The following ASCC2 variants were observed in gnomAD, a reference collection of about 807,000 sequenced individuals.
ASCC2 encodes the protein activating signal cointegrator 1 complex subunit 2.
In ASCC2, 42 loss-of-function variants were observed where a neutral mutation model predicts 93.5. The observed-to-expected ratio is 0.45, with a 90% confidence interval of 0.35 to 0.58. The LOEUF (loss-of-function observed/expected upper bound fraction) is 0.58. Among genes scored for constraint, ASCC2 ranks in the 20% least tolerant of loss-of-function variants. The pLI is 0.00. For missense variants in ASCC2, 859 were observed against 977.6 expected (o/e 0.88, Z 1.62); for synonymous variants, 364 against 384.2 (o/e 0.95, Z 0.62).
intron 1 of ASCC2, among the ~76,000 whole-genome samples, chr22:29,837,947 C>T (rs1273477232): frequency 6.6e-6 from 1 of 152,212 alleles, no homozygotes; most frequent in Non-Finnish European, 1.5e-5. Flanking sequence ...GGTGTGAGGA[C>T]GTGGGGGGAT....
intron 6 of ASCC2, among the ~76,000 whole-genome samples, chr22:29,815,729 T>C (rs922836228): frequency 6.6e-6 from 1 of 152,230 alleles, no homozygotes; most frequent in African/African-American, 2.4e-5. Context: ...CTTAGAGGCA[T>C]ATGGCTGTTG....
Position 29,790,977 on chromosome 22 carries a change from G to C in ASCC2, c.2023-429C>G, listed in dbSNP as rs76836929. On this transcript the variant is annotated intron_variant, in intron 18 of 19. Coordinates refer to ENST00000307790, the MANE Select transcript of ASCC2 (RefSeq NM_032204.5). ...CTCACTGTGGCACCACTAGCAGCATGTGTGGGAGTGCCCACTCTCAAGGAC... is the reference window on the plus strand; with the variant it reads ...CTCACTGTGGCACCACTAGCAGCATCTGTGGGAGTGCCCACTCTCAAGGAC... Among the ~76,000 whole-genome samples, 1,273 of 152,312 alleles carry C rather than the reference G, an allele frequency of 8.4e-3. 8 individuals carry two copies. The highest frequency in any genetic ancestry group is 0.013 in the Non-Finnish European group (918 of 68,020).
chr22:29,807,853 G>A (rs2079338), intron 9 of ASCC2, among the ~76,000 whole-genome samples: 46,548 of 151,682 alleles, frequency 0.31, 8,370 homozygotes, highest in East Asian at 0.59. Context: ...AGGCTGCAGT[G>A]AGCTGTGACT....
At chr22:29,826,661 A>ATCTTTTCTT (rs2062376426) in intron 2 of ASCC2, among the ~76,000 whole-genome samples, 1 of 152,142 alleles carries the variant, frequency 6.6e-6, no homozygotes, top group African/African-American at 2.4e-5. Context: ...TGACACAAGC[A>ATCTTTTCTT]TCTTTTCTTT....
In ASCC2 at chr22:29,817,776, T is replaced by C. The variant is rs1025170785; in HGVS notation, c.542-1703A>G. Among the ~76,000 whole-genome samples the C allele has an allele frequency of 1.1e-4, 17 of 152,186 alleles. 1 individual carries two copies. Among genetic ancestry groups the C allele is most frequent in the Non-Finnish European group, 1.8e-4 (12 of 68,036 alleles). Reference sequence around the variant, plus strand: ...CACCTTCATCTGATTCTAATGACAGTGACGATGTAACTTTTGATCTCCTAA... The same window carrying C: ...CACCTTCATCTGATTCTAATGACAGCGACGATGTAACTTTTGATCTCCTAA... On this transcript the variant is annotated intron_variant, in intron 5 of 19. Transcript: ENST00000307790.
chr22:29,811,365 A>AG (rs1189206917), intron 8 of ASCC2, among the ~76,000 whole-genome samples: 5 of 152,242 alleles, frequency 3.3e-5, no homozygotes. Flanking sequence ...GAAAGTAGAA[A>AG]GGGGGACTTT....
intron 15 of ASCC2, among the ~76,000 whole-genome samples, chr22:29,794,449 G>A (rs373144590): frequency 2.0e-5 from 3 of 151,828 alleles, no homozygotes; most frequent in African/African-American, 4.8e-5. Context: ...CCGAGATCAC[G>A]CCACTGCACT....
chr22:29,797,064 G>A (rs1287088333), intron 15 of ASCC2, among the ~76,000 whole-genome samples: 2 of 152,174 alleles, frequency 1.3e-5, no homozygotes, highest in African/African-American at 4.8e-5. Flanking sequence ...GCTTGTCCAG[G>A]GAGATGCAAC....
intron 13 of ASCC2, among the ~76,000 whole-genome samples, chr22:29,804,083 T>C (rs2059401438): frequency 6.6e-6 from 1 of 152,254 alleles, no homozygotes; most frequent in African/African-American, 2.4e-5. Flanking sequence ...CTGTGTGGTC[T>C]TCATCTCTCT....
intron 1 of ASCC2, 149 bp downstream of exon 1, chr22:29,838,029 G>T (rs545310069): frequency 2.3e-4 from 86 of 378,024 alleles, no homozygotes; most frequent in South Asian, 1.6e-3. Context: ...GCCAAGTCTC[G>T]AGAGGCGGCT....
chr22:29,791,428 C>G (rs372890866), intron 18 of ASCC2, among the ~76,000 whole-genome samples: 1 of 152,076 alleles, frequency 6.6e-6, no homozygotes, highest in African/African-American at 2.4e-5. Flanking sequence ...GCCTGTAATC[C>G]CAGCACTTTG....
chr22:29,835,990 C>G (rs2063729305), intron 1 of ASCC2, among the ~76,000 whole-genome samples: 1 of 152,072 alleles, frequency 6.6e-6, no homozygotes, highest in African/African-American at 2.4e-5. Context: ...AACAAAGGCT[C>G]AGAGTCTTAA....
intron 8 of ASCC2, 127 bp downstream of exon 8, chr22:29,813,303 T>A (rs2060487272): frequency 2.9e-6 from 2 of 692,190 alleles, no homozygotes; most frequent in South Asian, 3.6e-5. Context: ...CACTGCTGCA[T>A]CCCCAGGCTG....
At chr22:29,810,395 T>C (rs1956534371) in intron 8 of ASCC2, 1 of 152,228 alleles carries the variant, frequency 6.6e-6, no homozygotes, top group Non-Finnish European at 1.5e-5. Flanking sequence ...TGTAAACACA[T>C]GCCTGTCAGT....
At chr22:29,806,435 T>C in intron 11 of ASCC2, 50 bp downstream of exon 11, 1 of 1,596,302 alleles carries the variant, frequency 6.3e-7, no homozygotes, top group Non-Finnish European at 8.6e-7. Flanking sequence ...TAAGGCCTCT[T>C]GGGGACCTGT....
chr22:29,819,748 C>T (rs1377838444), intron 5 of ASCC2, among the ~76,000 whole-genome samples: 1 of 152,180 alleles, frequency 6.6e-6, no homozygotes, highest in African/African-American at 2.4e-5. Context: ...TGCTGCCCTC[C>T]TGGAATGCTC....
At chr22:29,806,663 C>T (rs943770802) in intron 10 of ASCC2, 110 bp from the exon 11 acceptor site, 7 of 1,429,446 alleles carry the variant, frequency 4.9e-6, no homozygotes, top group Non-Finnish European at 5.8e-6. Context: ...AGGAATGAGG[C>T]ATTTTTCTTG....
chr22:29,801,415 T>C (rs2051976521), intron 14 of ASCC2, among the ~76,000 whole-genome samples: 1 of 142,906 alleles, frequency 7.0e-6, no homozygotes, highest in African/African-American at 2.8e-5. Flanking sequence ...TCGCATAAGA[T>C]CAGTAGTCAC....
chr22:29,814,813 G>A (rs376370514), intron 6 of ASCC2, 46 bp from the exon 7 acceptor site: 1 of 1,509,600 alleles, frequency 6.6e-7, no homozygotes, highest in African/African-American at 1.4e-5. Context: ...CTGAACCAGG[G>A]CTAGGACCCC....
Sources: gnomAD v4.1 joint callset for allele counts (sites outside exome capture counted in the v4.1 genomes callset) on GRCh38, gnomAD v4.1.1 for gene constraint, MANE v1.5 for transcripts, NCBI Gene and HGNC (gene_info 2026-07-23, HGNC 2026-07-21) for gene names.